The following TFCP2L1 variants were observed in gnomAD, a reference collection of about 807,000 sequenced individuals.
The protein encoded by TFCP2L1 is transcription factor CP2-like protein 1.
Under a neutral mutation model 72.2 loss-of-function variants are expected in TFCP2L1, and 12 were observed. That is an observed-to-expected ratio of 0.17 (90% confidence interval 0.11 to 0.27). The LOEUF is 0.27. Ranked by LOEUF, TFCP2L1 falls within the 10% of genes least tolerant of loss-of-function variation. The pLI is 1.00. For synonymous variants in TFCP2L1, 260 were observed against 251.0 expected, an observed-to-expected ratio of 1.04 and a Z score of -0.34; for missense variants, 488 against 624.6, an observed-to-expected ratio of 0.78 and a Z score of 2.33.
At chr2:121,237,978 T>C in intron 8 of TFCP2L1, 128 bp from the exon 9 acceptor site, 1 of 972,588 alleles carries the variant, frequency 1.0e-6, no homozygotes, top group South Asian at 1.6e-5. Flanking sequence ...AAATGAGTCC[T>C]CAAGAATTTC....
At chr2:121,224,509 C>T in intron 14 of TFCP2L1, 122 bp from the exon 15 acceptor site, 1 of 903,806 alleles carries the variant, frequency 1.1e-6, no homozygotes, top group South Asian at 1.5e-5. Context: ...GGGCTGCATA[C>T]AGCAAAGCGT....
In TFCP2L1 at chr2:121,242,450, T is replaced by C. The variant is rs1250355067; in HGVS notation, c.677A>G (p.Lys226Arg). 1.2e-6 allele frequency: 2 copies of C among 1,614,104 alleles called. No individual in the cohort carries two copies. The highest frequency in any genetic ancestry group is 1.7e-6 in the Non-Finnish European group (2 of 1,180,014). Residue 226 changes from lysine to arginine, a missense_variant, in exon 7 of 15, where the codon AAA becomes AGA. By Grantham distance (26) the Lys-to-Arg change is conservative. Coordinates refer to ENST00000263707, the MANE Select transcript of TFCP2L1 (RefSeq NM_014553.3). Reference sequence around the variant, plus strand: ...CATCTTCTCCCGGTCAGTCTTCTGTTTCCGATCGGCTCCCTTCGGCTGCGA... The same window carrying C: ...CATCTTCTCCCGGTCAGTCTTCTGTCTCCGATCGGCTCCCTTCGGCTGCGA... ...KVFKPKGADR[K>R]QKTDREKMEK...
At chr2:121,241,831 AT>A (rs112052723) in intron 7 of TFCP2L1, among the ~76,000 whole-genome samples, 4,800 of 152,246 alleles carry the variant, frequency 0.032, 216 homozygotes, top group African/African-American at 0.095. Context: ...AGCTGTAGGC[AT>A]CAGGCACCAA....
chr2:121,239,945 C>A (rs1053583279), intron 7 of TFCP2L1: 2 of 718,314 alleles, frequency 2.8e-6, no homozygotes, highest in Non-Finnish European at 3.4e-6. Flanking sequence ...TCATGTGATT[C>A]TTGGGTCCAC....
rs758697313 is a variant in TFCP2L1 at position 121,234,121 on chromosome 2, G to A, written c.1168C>T (p.Arg390Trp). 2.5e-5 allele frequency: 40 copies of A among 1,613,820 alleles called. No homozygotes were observed. Among genetic ancestry groups the A allele is most frequent in the South Asian group, 5.5e-5 (5 of 91,086 alleles). ...AGGTTGCTGTCTCCACTGCCGTCCCGCTTCTGCTGCAGGGGCACTCGATTC... is the reference window on the plus strand; with the variant it reads ...AGGTTGCTGTCTCCACTGCCGTCCCACTTCTGCTGCAGGGGCACTCGATTC... ...EQNRVPLQQKRDGSGDSNLSV... is the reference protein window; with the variant it reads ...EQNRVPLQQKWDGSGDSNLSV... The change falls in exon 12 of 15, where the codon CGG (arginine) becomes TGG (tryptophan). Residue 390 changes from arginine to tryptophan, a missense_variant. By Grantham distance (101) the Arg-to-Trp change is moderately radical. Transcript: ENST00000263707.
rs536628564 is a variant in TFCP2L1 at position 121,240,173 on chromosome 2, C to T, written c.769-524G>A. The T allele has an allele frequency of 8.7e-5, 86 of 985,234 alleles. No individual in the cohort carries two copies. In the African/African-American group the frequency reaches 9.6e-4, roughly 11 times the overall value. The allele number at this position is 985,234 out of a possible 1,614,324, so 61.0% of individuals were successfully genotyped here. On this transcript the variant is annotated intron_variant, in intron 7 of 14. Transcript: ENST00000263707. ...CACAATCACCAAAAGCAGCTCCTCT[C>T]GGTGAAATTTGATGGTGTTCATTCC... is the stretch of plus-strand genomic sequence containing the variant.
intron 1 of TFCP2L1, among the ~76,000 whole-genome samples, chr2:121,281,723 G>A (rs1008271109): frequency 2.0e-5 from 3 of 152,042 alleles, no homozygotes; most frequent in African/African-American, 7.2e-5. Flanking sequence ...ACTTCTCATA[G>A]CAATACAACT....
Position 121,281,317 on chromosome 2 carries a change from C to G in TFCP2L1, c.63-46G>C. 2 of 1,539,644 alleles carry G rather than the reference C, an allele frequency of 1.3e-6. 1 individual carries two copies. The highest frequency in any genetic ancestry group is 2.5e-5 in the South Asian group (2 of 79,272). On this transcript the variant is annotated intron_variant, in intron 1 of 14. Transcript: ENST00000263707. Reference sequence around the variant, plus strand: ...AGGTCAGGAGCAGAGCCCCAGGGGGCTCCTGCACAGAGCCAGGGCGAAGCT... The same window carrying G: ...AGGTCAGGAGCAGAGCCCCAGGGGGGTCCTGCACAGAGCCAGGGCGAAGCT...
chr2:121,231,139 G>A (rs1173568705), intron 13 of TFCP2L1, among the ~76,000 whole-genome samples: 1 of 152,162 alleles, frequency 6.6e-6, no homozygotes, highest in Non-Finnish European at 1.5e-5. Context: ...TATAGAGGCA[G>A]ACAGGATTAA....
At chr2:121,275,133 C>A (rs1037318483) in intron 2 of TFCP2L1, among the ~76,000 whole-genome samples, 4 of 151,682 alleles carry the variant, frequency 2.6e-5, no homozygotes, top group Admixed American at 2.6e-4. Flanking sequence ...ACCTGTAATC[C>A]CAGCACTTTG....
intron 2 of TFCP2L1, among the ~76,000 whole-genome samples, chr2:121,276,242 G>C (rs1687144398): frequency 7.1e-6 from 1 of 141,402 alleles, no homozygotes; most frequent in African/African-American, 2.7e-5. Context: ...ACAGGCCCCA[G>C]TGTGTGATCT....
Position 121,248,025 on chromosome 2 carries a change from C to G in TFCP2L1, c.504+139G>C. 8.0e-6 allele frequency: 5 copies of G among 628,828 alleles called. No homozygotes were observed. The South Asian group carries it at 1.1e-4, about 13-fold the overall frequency. The allele number at this position is 628,828 out of a possible 1,614,324, so 39.0% of individuals were successfully genotyped here. ...TGACTCTTTGCAACACTCATTCTCTCTCTCCTGCAGTTTCCTTCCCAGTGA... is the reference window on the plus strand; with the variant it reads ...TGACTCTTTGCAACACTCATTCTCTGTCTCCTGCAGTTTCCTTCCCAGTGA... On this transcript the variant is annotated intron_variant, in intron 5 of 14. Transcript: ENST00000263707.
chr2:121,237,209 T>C (rs1195603032), intron 10 of TFCP2L1, among the ~76,000 whole-genome samples: 1 of 152,228 alleles, frequency 6.6e-6, no homozygotes, highest in Non-Finnish European at 1.5e-5. Context: ...GCCCCCTTTC[T>C]GTCTCACCTG....
chr2:121,231,462 C>T (rs190026779), intron 13 of TFCP2L1, among the ~76,000 whole-genome samples: 44 of 152,344 alleles, frequency 2.9e-4, no homozygotes, highest in African/African-American at 1.0e-3. Context: ...TCGCCAACAC[C>T]TGCCCCGGAG....
chr2:121,249,685 T>C, intron 2 of TFCP2L1, 38 bp from the exon 3 acceptor site: 1 of 1,607,662 alleles, frequency 6.2e-7, no homozygotes, highest in Non-Finnish European at 8.5e-7. Flanking sequence ...CATTTCTGAG[T>C]ATTTCTAAAT....
At chr2:121,252,041 C>T (rs1262392143) in intron 2 of TFCP2L1, among the ~76,000 whole-genome samples, 3 of 152,078 alleles carry the variant, frequency 2.0e-5, no homozygotes, top group East Asian at 3.9e-4. Flanking sequence ...TATTCTATTC[C>T]ATTCTATTCT....
intron 7 of TFCP2L1, among the ~76,000 whole-genome samples, chr2:121,240,885 T>TA (rs1272101845): frequency 1.3e-5 from 2 of 152,212 alleles, no homozygotes; most frequent in African/African-American, 2.4e-5. Context: ...AGTGCACATC[T>TA]ATCTGACCAC....
intron 2 of TFCP2L1, among the ~76,000 whole-genome samples, chr2:121,278,250 A>G (rs1426344164): frequency 6.8e-6 from 1 of 147,666 alleles, no homozygotes; most frequent in Non-Finnish European, 1.5e-5. Flanking sequence ...GTTAGCCAGG[A>G]TGGTCTCGAT....
At chr2:121,284,939 G>C in intron 1 of TFCP2L1, 109 bp downstream of exon 1, 1 of 973,842 alleles carries the variant, frequency 1.0e-6, no homozygotes, top group Middle Eastern at 3.6e-4. Flanking sequence ...GGCGGACAGC[G>C]GGGAGGCCAG....
Sources: gnomAD v4.1 joint callset for allele counts (sites outside exome capture counted in the v4.1 genomes callset) on GRCh38, gnomAD v4.1.1 for gene constraint, MANE v1.5 for transcripts, NCBI Gene and HGNC (gene_info 2026-07-23, HGNC 2026-07-21) for gene names.